The following ACOX2 variants were observed in gnomAD, a reference collection of about 807,000 sequenced individuals.
ACOX2 encodes peroxisomal acyl-coenzyme A oxidase 2.
In ACOX2, 59 loss-of-function variants were observed where a neutral mutation model predicts 77.5. The ratio of observed to expected loss-of-function variants is 0.76; its 90% confidence interval spans 0.62 to 0.95. The LOEUF is 0.95. Among genes scored for constraint, ACOX2 ranks in the 40% least tolerant of loss-of-function variants. The pLI is 0.00. For synonymous variants in ACOX2, 317 were observed against 340.1 expected (o/e 0.93, Z 0.75); for missense variants, 837 against 880.4 (o/e 0.95, Z 0.62).
At chr3:58,510,845 G>A in intron 13 of ACOX2, 2 of 383,976 alleles carry the variant, frequency 5.2e-6, no homozygotes, top group South Asian at 3.9e-5. Flanking sequence ...ACTATACATG[G>A]CTGGAAAAAA....
chr3:58,531,193 C>A lies in ACOX2; in HGVS notation c.819+58G>T, dbSNP rs2063435589. Reference sequence around the variant, plus strand: ...ATGGAGGACCCAGGCCCAGCCTGCACAAAGCGCAGGTCCCCTCTCCAGGAA... The same window carrying A: ...ATGGAGGACCCAGGCCCAGCCTGCAAAAAGCGCAGGTCCCCTCTCCAGGAA... On this transcript the variant is annotated intron_variant, in intron 7 of 14. Coordinates refer to ENST00000302819, the MANE Select transcript of ACOX2 (RefSeq NM_003500.4). The surrounding 1 kb of genome is among the most constrained non-coding windows in gnomAD (Gnocchi z 5.8). 1 of 1,526,796 alleles carries A rather than the reference C, an allele frequency of 6.5e-7. No homozygotes were observed. Among genetic ancestry groups the A allele is most frequent in the Non-Finnish European group, 9.0e-7 (1 of 1,112,818 alleles). The allele number at this position is 1,526,796 out of a possible 1,614,324, so 94.6% of individuals were successfully genotyped here.
chr3:58,530,757 G>T, intron 7 of ACOX2, 119 bp from the exon 8 acceptor site: 1 of 1,243,896 alleles, frequency 8.0e-7, no homozygotes, highest in Non-Finnish European at 1.1e-6. Context: ...CGGCGCATCT[G>T]GAGTTGGAGT....
In ACOX2 at chr3:58,531,894, G is replaced by A; in HGVS notation, c.584-82C>T. On this transcript the variant is annotated intron_variant, in intron 5 of 14. Transcript: ENST00000302819. The surrounding 1 kb of genome is among the most constrained non-coding windows in gnomAD (Gnocchi z 5.8). ...AACCAACCCAGCCTCCTGGGGCTGG[G>A]GTTTTGGATGGGTACCTCTGGGGCC... 6.7e-7 allele frequency: 1 copy of A among 1,486,018 alleles called. No individual in the cohort carries two copies. 92.1% of individuals were successfully genotyped at this position (1,486,018 alleles called of 1,614,324 possible).
chr3:58,526,514 G>A lies in ACOX2; in HGVS notation c.1298C>T (p.Ser433Phe), dbSNP rs2063395869. ...LPSLVTKLSASCTYEGENTVL... is the reference protein window; with the variant it reads ...LPSLVTKLSAFCTYEGENTVL... Reference sequence around the variant, plus strand: ...TGTGTTCTCACCCTCGTAGGTACAGGAGGCCGACAATTTGGTGACCAGTGA... The same window carrying A: ...TGTGTTCTCACCCTCGTAGGTACAGAAGGCCGACAATTTGGTGACCAGTGA... The change falls in exon 10 of 15, where the codon TCC becomes TTC. Residue 433 changes from serine to phenylalanine, a missense_variant. Physicochemically the swap from Ser to Phe is radical, Grantham distance 155. Transcript: ENST00000302819. The surrounding 1 kb of genome is among the most constrained non-coding windows in gnomAD (Gnocchi z 4.3). The A allele has an allele frequency of 1.9e-6, 3 of 1,614,068 alleles. No individual in the cohort carries two copies.
At position 58,533,313 on chromosome 3, in the gene ACOX2, C is replaced by G. The variant is rs1434271306; in HGVS notation, c.583+132G>C. On this transcript the variant is annotated intron_variant, in intron 5 of 14. Transcript: ENST00000302819. This position sits in a 1 kb window ranked among gnomAD's most constrained non-coding sequence, Gnocchi z 5.6. The stretch of plus-strand genomic sequence containing the variant: ...CCTGAGGCTCAGGTTGGTGAACTGA[C>G]TTGCCCAAGGTCAGCAGCCTAGAAC... The G allele has an allele frequency of 2.5e-6, 2 of 793,898 alleles. No homozygotes were observed. Among genetic ancestry groups the G allele is most frequent in the Admixed American group, 4.7e-5 (2 of 42,606 alleles). The allele number at this position is 793,898 out of a possible 1,614,324, so 49.2% of individuals were successfully genotyped here.
At chr3:58,530,107 A>G (rs1303890259) in intron 8 of ACOX2, among the ~76,000 whole-genome samples, 1 of 152,268 alleles carries the variant, frequency 6.6e-6, no homozygotes, top group African/African-American at 2.4e-5. Context: ...TGGCTGACCC[A>G]GACCCGTCCA....
At position 58,524,688 on chromosome 3, in the gene ACOX2, G is replaced by C; in HGVS notation, c.1347-83C>G. Reference sequence around the variant, plus strand: ...ACCCCTCACTCCCAGAGACAGGCAAGCTCATGCTAGGTTCCAGCCTTCCCG... The same window carrying C: ...ACCCCTCACTCCCAGAGACAGGCAACCTCATGCTAGGTTCCAGCCTTCCCG... On this transcript the variant is annotated intron_variant, in intron 10 of 14. Transcript: ENST00000302819. The surrounding 1 kb of genome is among the most constrained non-coding windows in gnomAD (Gnocchi z 5.5). 1 of 1,425,058 alleles carries C rather than the reference G, an allele frequency of 7.0e-7. No individual in the cohort carries two copies. Among genetic ancestry groups the C allele is most frequent in the Non-Finnish European group, 9.6e-7 (1 of 1,045,860 alleles). 88.3% of individuals were successfully genotyped at this position (1,425,058 alleles called of 1,614,324 possible).
In ACOX2 at chr3:58,521,858, C is replaced by T. The variant is rs544208486; in HGVS notation, c.1632+638G>A. On this transcript the variant is annotated intron_variant, in intron 12 of 14. Coordinates refer to ENST00000302819, the MANE Select transcript of ACOX2 (RefSeq NM_003500.4). The surrounding 1 kb of genome is among the most constrained non-coding windows in gnomAD (Gnocchi z 4.8). ...TGCTTCCTTTTGCACGCGCAGCTCC[C>T]TTTGCCTGGAAACTTTTCTCTCCAA... Among the ~76,000 whole-genome samples, 99 of 152,328 alleles carry T rather than the reference C, an allele frequency of 6.5e-4. No homozygotes were observed. Among genetic ancestry groups the T allele is most frequent in the African/African-American group, 2.4e-3 (98 of 41,562 alleles).
chr3:58,527,428 C>G (rs2063404093), intron 9 of ACOX2, among the ~76,000 whole-genome samples: 1 of 151,768 alleles, frequency 6.6e-6, no homozygotes, highest in South Asian at 2.1e-4. Flanking sequence ...CCCAGCTACA[C>G]AGGAGGCTGA....
chr3:58,526,054 G>A lies in ACOX2; in HGVS notation c.1346+412C>T, dbSNP rs1460402075. Among the ~76,000 whole-genome samples the A allele has an allele frequency of 6.6e-6, 1 of 152,110 alleles. No individual in the cohort carries two copies. The highest frequency in any genetic ancestry group is 2.4e-5 in the African/African-American group (1 of 41,432). On this transcript the variant is annotated intron_variant, in intron 10 of 14. Coordinates refer to ENST00000302819, the MANE Select transcript of ACOX2 (RefSeq NM_003500.4). The surrounding 1 kb of genome is among the most constrained non-coding windows in gnomAD (Gnocchi z 4.3). ...GAAGAAGAAGTGAGCAGAGGCAGGA[G>A]GTGGTGAGAGCAGGATGGACGGGGA...
chr3:58,526,215 C>T lies in ACOX2; in HGVS notation c.1346+251G>A, dbSNP rs191207852. On this transcript the variant is annotated intron_variant, in intron 10 of 14. Transcript: ENST00000302819. The surrounding 1 kb of genome is among the most constrained non-coding windows in gnomAD (Gnocchi z 4.3). The stretch of plus-strand genomic sequence containing the variant: ...TCCCTAGGCTCTGAACAGATCCCTC[C>T]GGCTGCCTGTGGAGAAGCAGGACAG... Among the ~76,000 whole-genome samples the T allele has an allele frequency of 9.9e-5, 15 of 152,282 alleles. No individual in the cohort carries two copies. In the South Asian group the frequency reaches 1.0e-3, roughly 11 times the overall value.
At chr3:58,517,534 A>G in intron 12 of ACOX2, 111 bp from the exon 13 acceptor site, 1 of 906,584 alleles carries the variant, frequency 1.1e-6, no homozygotes, top group Admixed American at 2.2e-5. Context: ...TGTGCTTCCC[A>G]GCAGGCTGAT....
rs1465103485 is a variant in ACOX2, at chr3:58,535,337, A to T, written c.-91-140T>A. On this transcript the variant is annotated intron_variant, in intron 1 of 14. Transcript: ENST00000302819. The surrounding 1 kb of genome is among the most constrained non-coding windows in gnomAD (Gnocchi z 4.8). ...TGGCTGTGGACCAGGCACTGTGTGC[A>T]TGGTAGGCATGGTATGCAGCCATTG... is the stretch of plus-strand genomic sequence containing the variant. 1.7e-6 allele frequency: 1 copy of T among 576,214 alleles called. No individual in the cohort carries two copies. The highest frequency in any genetic ancestry group is 3.1e-6 in the Non-Finnish European group (1 of 322,634). The allele number at this position is 576,214 out of a possible 1,614,324, so 35.7% of individuals were successfully genotyped here.
chr3:58,534,025 G>C lies in ACOX2; in HGVS notation c.444C>G (p.Ile148Met). 2.5e-6 allele frequency: 4 copies of C among 1,614,168 alleles called. No homozygotes were observed. The highest frequency in any genetic ancestry group is 3.4e-6 in the Non-Finnish European group (4 of 1,180,040). ...CCAACTCTGTCTGTGCATACGTTGC[G>C]ATGATCTGGATGTTTTTGCAGAGTG... ...WDPLCKNIQI[I>M]ATYAQTELGH... The change falls in exon 4 of 15, where the codon ATC (isoleucine) becomes ATG (methionine). Residue 148 changes from isoleucine (I) to methionine (M), a missense_variant. Physicochemically the swap from Ile to Met is conservative, Grantham distance 10. Coordinates refer to ENST00000302819, the MANE Select transcript of ACOX2 (RefSeq NM_003500.4). This position sits in a 1 kb window ranked among gnomAD's most constrained non-coding sequence, Gnocchi z 4.8.
rs933422422 is a variant in ACOX2, at chr3:58,525,765, G to A, written c.1346+701C>T. 2.0e-5 allele frequency among the ~76,000 whole-genome samples: 3 copies of A among 152,176 alleles called. No individual in the cohort carries two copies. The highest frequency in any genetic ancestry group is 4.4e-5 in the Non-Finnish European group (3 of 68,028). On this transcript the variant is annotated intron_variant, in intron 10 of 14. Coordinates refer to ENST00000302819, the MANE Select transcript of ACOX2 (RefSeq NM_003500.4). This position sits in a 1 kb window ranked among gnomAD's most constrained non-coding sequence, Gnocchi z 5.0. ...TGGCTGGGTGCGGTGGCTTGTGCCT[G>A]TAATCCCAGCACTTTGGGAGGCTAA...
intron 9 of ACOX2, among the ~76,000 whole-genome samples, chr3:58,527,985 G>A (rs548260540): frequency 1.2e-4 from 18 of 152,164 alleles, no homozygotes; most frequent in African/African-American, 4.1e-4. Flanking sequence ...GAGATTACAG[G>A]TGTAAGTCAC....
In ACOX2 at chr3:58,533,984, C is replaced by T; in HGVS notation, c.475+10G>A. The T allele has an allele frequency of 6.2e-7, 1 of 1,614,032 alleles. No homozygotes were observed. The highest frequency in any genetic ancestry group is 8.5e-7 in the Non-Finnish European group (1 of 1,179,952). On this transcript the variant is annotated intron_variant, in intron 4 of 14. Transcript: ENST00000302819. The surrounding 1 kb of genome is among the most constrained non-coding windows in gnomAD (Gnocchi z 5.6). The stretch of plus-strand genomic sequence containing the variant: ...CAACCTAAACACCACACGCAGCAGT[C>T]CTAGCTCACCATGTCCCAACTCTGT...
Position 58,521,004 on chromosome 3 carries a change from C to T in ACOX2, c.1632+1492G>A, listed in dbSNP as rs1298966620. On this transcript the variant is annotated intron_variant, in intron 12 of 14. Coordinates refer to ENST00000302819, the MANE Select transcript of ACOX2 (RefSeq NM_003500.4). The surrounding 1 kb of genome is among the most constrained non-coding windows in gnomAD (Gnocchi z 4.8). ...GGGCTGTGTGGATTAAATGAAGTAA[C>T]CCTGGCAAGCAGCATCTGGTCCATT... Among the ~76,000 whole-genome samples the T allele has an allele frequency of 2.6e-5, 4 of 152,182 alleles. No homozygotes were observed. In the South Asian group the frequency reaches 6.2e-4, roughly 24 times the overall value.
chr3:58,509,630 T>TTTAA, intron 13 of ACOX2, among the ~76,000 whole-genome samples: 1 of 125,676 alleles, frequency 8.0e-6, no homozygotes, highest in Non-Finnish European at 1.6e-5. Context: ...TTTTTTTTGA[T>TTTAA]ACAGAGTCTC....
Sources: gnomAD v4.1 joint callset for allele counts (sites outside exome capture counted in the v4.1 genomes callset) on GRCh38, gnomAD v4.1.1 for gene constraint, Gnocchi (gnomAD v3.1) non-coding constraint, MANE v1.5 for transcripts, NCBI Gene and HGNC (gene_info 2026-07-23, HGNC 2026-07-21) for gene names.